The following DOCK7 variants were observed in gnomAD, a reference collection of about 807,000 sequenced individuals.
DOCK7 encodes the protein dedicator of cytokinesis protein 7.
DOCK7 carries 138 observed loss-of-function variants against 271.0 expected under a neutral mutation model. The observed-to-expected ratio is 0.51, with a 90% CI of 0.44 to 0.59. DOCK7 has a LOEUF of 0.59. DOCK7 is among the 20% of genes least tolerant of loss of function. The probability of loss-of-function intolerance (pLI) is 0.00; values close to 1 mark genes in which losing one functional copy is unlikely to be tolerated. For synonymous variants in DOCK7, 823 were observed against 876.1 expected (o/e 0.94, Z 1.07); for missense variants, 2,066 against 2,592.4 (o/e 0.80, Z 4.41).
At chr1:62,489,259 C>G (rs1334150232) in intron 41 of DOCK7, among the ~76,000 whole-genome samples, 194 bp from the exon 42 acceptor site, 1 of 152,172 alleles carries the variant, frequency 6.6e-6, no homozygotes, top group Non-Finnish European at 1.5e-5. Flanking sequence ...ACCACCCTGG[C>G]TAGCACGGTG....
At chr1:62,614,616 A>T (rs1407712794) in intron 14 of DOCK7, among the ~76,000 whole-genome samples, 1 of 152,016 alleles carries the variant, frequency 6.6e-6, no homozygotes, top group African/African-American at 2.4e-5. Context: ...AATCTAATAA[A>T]GCCAAAAACA....
At chr1:62,519,004 T>TACACACACAC (rs1038125495) in intron 31 of DOCK7, among the ~76,000 whole-genome samples, 3 of 30,016 alleles carry the variant, frequency 1.0e-4, no homozygotes, top group African/African-American at 3.4e-4. Context: ...AAAGTCATGC[T>TACACACACAC]ATACACACAC....
intron 48 of DOCK7, among the ~76,000 whole-genome samples, chr1:62,467,341 A>G (rs989147577): frequency 6.6e-6 from 1 of 152,236 alleles, no homozygotes; most frequent in Non-Finnish European, 1.5e-5. Context: ...TCAAGAGCTA[A>G]TAGAAACTAT....
At chr1:62,640,197 C>T (rs1409602509) in intron 7 of DOCK7, among the ~76,000 whole-genome samples, 1 of 152,054 alleles carries the variant, frequency 6.6e-6, no homozygotes, top group Non-Finnish European at 1.5e-5. Flanking sequence ...TAAGATGTGG[C>T]TTATTTGTTA....
intron 21 of DOCK7, 46 bp from the exon 22 acceptor site, chr1:62,552,947 G>T (rs1317409492): frequency 7.4e-7 from 1 of 1,358,058 alleles, no homozygotes. Context: ...AAATTAGTCA[G>T]GAAAGGATCT....
intron 15 of DOCK7, among the ~76,000 whole-genome samples, chr1:62,583,792 C>CAT (rs945373907): frequency 2.7e-4 from 41 of 151,932 alleles, no homozygotes; most frequent in East Asian, 7.7e-4. Flanking sequence ...TATATTTTTG[C>CAT]ATATATATAT....
chr1:62,607,042 C>T (rs1043314256), intron 14 of DOCK7, among the ~76,000 whole-genome samples: 9 of 152,146 alleles, frequency 5.9e-5, no homozygotes, highest in Admixed American at 2.6e-4. Context: ...CCCGTCTCTA[C>T]CTAAAATACA....
At chr1:62,468,050 C>A (rs192469047) in intron 48 of DOCK7, among the ~76,000 whole-genome samples, 1 of 152,034 alleles carries the variant, frequency 6.6e-6, no homozygotes, top group Non-Finnish European at 1.5e-5. Context: ...TGACAAAATC[C>A]AGCACCCCTT....
At chr1:62,460,073 C>G (rs1265826380) in intron 48 of DOCK7, among the ~76,000 whole-genome samples, 1 of 130,964 alleles carries the variant, frequency 7.6e-6, no homozygotes, top group African/African-American at 3.0e-5. Context: ...ACACTCCAGC[C>G]TGGGTGACAG....
At chr1:62,493,526 TA>T (rs1646525566) in intron 40 of DOCK7, among the ~76,000 whole-genome samples, 1 of 152,192 alleles carries the variant, frequency 6.6e-6, no homozygotes, top group South Asian at 2.1e-4. Context: ...AGTGAAAACT[TA>T]AAAGATTATC....
chr1:62,517,187 C>CA (rs562672648), intron 31 of DOCK7, among the ~76,000 whole-genome samples: 183 of 152,366 alleles, frequency 1.2e-3, no homozygotes, highest in Middle Eastern at 0.01. Flanking sequence ...TACACACACT[C>CA]ACCCTTGCAG....
chr1:62,513,246 G>A (rs1644544181), intron 33 of DOCK7, among the ~76,000 whole-genome samples, 198 bp downstream of exon 33: 1 of 47,176 alleles, frequency 2.1e-5, no homozygotes, highest in Non-Finnish European at 5.0e-5. Context: ...AGACTTTCTA[G>A]AGAAAACGGG....
chr1:62,460,175 A>C (rs1010537958), intron 48 of DOCK7, among the ~76,000 whole-genome samples: 1 of 151,764 alleles, frequency 6.6e-6, no homozygotes, highest in African/African-American at 2.4e-5. Flanking sequence ...TTCCCAACTC[A>C]TATTTCAAGG....
At chr1:62,675,321 T>C (rs1158570856) in intron 1 of DOCK7, among the ~76,000 whole-genome samples, 2 of 152,030 alleles carry the variant, frequency 1.3e-5, no homozygotes, top group Non-Finnish European at 2.9e-5. Flanking sequence ...GAAGATAGCT[T>C]GAGCCCAGGA....
At chr1:62,656,302 A>T (rs2149700697) in intron 2 of DOCK7, among the ~76,000 whole-genome samples, 1 of 152,310 alleles carries the variant, frequency 6.6e-6, no homozygotes, top group Non-Finnish European at 1.5e-5. Flanking sequence ...CTTACACATG[A>T]AAAAAGAATA....
intron 7 of DOCK7, among the ~76,000 whole-genome samples, chr1:62,642,845 TATA>T (rs1252532328): frequency 6.6e-6 from 1 of 152,208 alleles, no homozygotes; most frequent in African/African-American, 2.4e-5. Flanking sequence ...TTTTTATCAG[TATA>T]AAAAGTTATT....
intron 14 of DOCK7, chr1:62,601,325 G>C: frequency 2.9e-6 from 2 of 694,820 alleles, no homozygotes; most frequent in Non-Finnish European, 5.1e-6. Flanking sequence ...TAAACTGGAT[G>C]CTGGGGTTCT....
At chr1:62,508,260 A>C (rs1042229637) in intron 34 of DOCK7, among the ~76,000 whole-genome samples, 5 of 150,536 alleles carry the variant, frequency 3.3e-5, no homozygotes, top group African/African-American at 1.3e-4. Context: ...ACACTTTCTC[A>C]CCCCATTACA....
At position 62,631,337 on chromosome 1, in the gene DOCK7, G is replaced by T. The variant is rs775627602; in HGVS notation, c.1185C>A (p.Arg395=). 1 of 1,613,120 alleles carries T rather than the reference G, an allele frequency of 6.2e-7. No homozygotes were observed. Among genetic ancestry groups the T allele is most frequent in the Non-Finnish European group, 8.5e-7 (1 of 1,179,606 alleles). Residue 395 remains arginine, a synonymous_variant, in exon 11 of 50, where the codon CGC becomes CGA. Coordinates refer to ENST00000635253, the MANE Select transcript of DOCK7 (RefSeq NM_001367561.1). The part of the protein sequence containing the change: ...DQFCQRLGKY[R]MPFAWTAIHL... The stretch of plus-strand genomic sequence containing the variant: ...GGATTGCAGTCCAAGCAAAAGGCAT[G>T]CGATATTTCCCAAGTCTTTGGCAAA...
Sources: gnomAD v4.1 joint callset for allele counts (sites outside exome capture counted in the v4.1 genomes callset) on GRCh38, gnomAD v4.1.1 for gene constraint, MANE v1.5 for transcripts, NCBI Gene and HGNC (gene_info 2026-07-23, HGNC 2026-07-21) for gene names.